The following PISD variants were observed in gnomAD, a reference collection of about 807,000 sequenced individuals.
PISD encodes phosphatidylserine decarboxylase proenzyme, mitochondrial.
A neutral mutation model predicts 43.5 loss-of-function variants in PISD; 31 were observed. The ratio of observed to expected loss-of-function variants is 0.71; its 90% confidence interval spans 0.54 to 0.96. The LOEUF (loss-of-function observed/expected upper bound fraction) is 0.96, where lower values mean the gene tolerates loss of function less well. Among genes scored for constraint, PISD ranks in the 40% least tolerant of loss-of-function variants. The probability of loss-of-function intolerance (pLI) is 0.00; values close to 1 mark genes in which losing one functional copy is unlikely to be tolerated. For missense variants in PISD, 523 were observed against 548.4 expected, an observed-to-expected ratio of 0.95 and a Z score of 0.46; for synonymous variants, 259 against 228.7, an observed-to-expected ratio of 1.13 and a Z score of -1.20.
chr22:31,646,272 C>T (rs889342917), intron 3 of PISD, among the ~76,000 whole-genome samples: 2 of 152,126 alleles, frequency 1.3e-5, no homozygotes, highest in African/African-American at 4.8e-5. Flanking sequence ...GTTCTGTGAC[C>T]ATTTTATTCA....
intron 2 of PISD, among the ~76,000 whole-genome samples, 173 bp downstream of exon 2, chr22:31,650,526 C>CA (rs200466585): frequency 0.13 from 13,373 of 106,976 alleles, 887 homozygotes; most frequent in East Asian, 0.39. Flanking sequence ...AAGACTGTCT[C>CA]AAAAAAAAAA....
At chr22:31,625,330 C>T (rs2072842217) in intron 3 of PISD, among the ~76,000 whole-genome samples, 1 of 152,236 alleles carries the variant, frequency 6.6e-6, no homozygotes, top group South Asian at 2.1e-4. Flanking sequence ...AATCACTGCT[C>T]CCCTCTGGCT....
At chr22:31,643,888 A>C (rs1216824915) in intron 3 of PISD, among the ~76,000 whole-genome samples, 5 of 152,150 alleles carry the variant, frequency 3.3e-5, no homozygotes, top group Non-Finnish European at 5.9e-5. Flanking sequence ...CTCTACTAAA[A>C]ATACAAAAAA....
chr22:31,620,937 T>C, intron 6 of PISD, 59 bp downstream of exon 6: 1 of 1,542,430 alleles, frequency 6.5e-7, no homozygotes, highest in South Asian at 1.2e-5. Flanking sequence ...ACCAAGAAGC[T>C]GAGAGCCTCT....
intron 1 of PISD, among the ~76,000 whole-genome samples, chr22:31,661,027 G>A (rs930358655): frequency 1.3e-5 from 2 of 152,144 alleles, no homozygotes; most frequent in African/African-American, 4.8e-5. Context: ...GAGCCACCGC[G>A]CCCAGCCTGT....
At chr22:31,642,139 C>A (rs2073750869) in intron 3 of PISD, among the ~76,000 whole-genome samples, 1 of 151,226 alleles carries the variant, frequency 6.6e-6, no homozygotes, top group Non-Finnish European at 1.5e-5. Flanking sequence ...CCAGAGACTT[C>A]AGGACCTGGG....
intron 3 of PISD, among the ~76,000 whole-genome samples, chr22:31,624,294 A>G (rs1015400559): frequency 2.6e-5 from 4 of 152,176 alleles, no homozygotes; most frequent in African/African-American, 7.2e-5. Flanking sequence ...CCCAGGGGCC[A>G]GCTCTGCCAC....
At chr22:31,620,523 G>A in intron 7 of PISD, 30 bp downstream of exon 7, 2 of 1,611,668 alleles carry the variant, frequency 1.2e-6, no homozygotes, top group East Asian at 2.2e-5. Flanking sequence ...TCTGGCCCTT[G>A]GGCTTTGGCA....
intron 3 of PISD, among the ~76,000 whole-genome samples, chr22:31,624,866 G>A (rs537079804): frequency 4.6e-5 from 7 of 152,136 alleles, no homozygotes; most frequent in East Asian, 3.9e-4. Context: ...CACCAGAGCC[G>A]CAGAGGCTGG....
At chr22:31,643,214 T>C (rs951293561) in intron 3 of PISD, among the ~76,000 whole-genome samples, 7 of 152,270 alleles carry the variant, frequency 4.6e-5, no homozygotes, top group African/African-American at 1.7e-4. Flanking sequence ...GGAATCATCA[T>C]GTCCCCTGTT....
At chr22:31,661,136 A>C (rs1487135301) in intron 1 of PISD, among the ~76,000 whole-genome samples, 1 of 152,226 alleles carries the variant, frequency 6.6e-6, no homozygotes, top group Non-Finnish European at 1.5e-5. Context: ...AGTTACCACC[A>C]CAATGCAGAG....
intron 3 of PISD, among the ~76,000 whole-genome samples, chr22:31,634,509 C>G (rs1009645337): frequency 6.6e-6 from 1 of 152,248 alleles, no homozygotes; most frequent in Non-Finnish European, 1.5e-5. Context: ...CCTGCCCAGG[C>G]ACTCAGGAAG....
intron 3 of PISD, among the ~76,000 whole-genome samples, chr22:31,645,353 C>G (rs917723865): frequency 7.9e-5 from 12 of 151,440 alleles, no homozygotes; most frequent in Admixed American, 2.6e-4. Flanking sequence ...TGCAGTGAGC[C>G]GTGATCATGC....
At chr22:31,636,281 C>T (rs1420987407) in intron 3 of PISD, among the ~76,000 whole-genome samples, 2 of 152,144 alleles carry the variant, frequency 1.3e-5, no homozygotes, top group Non-Finnish European at 2.9e-5. Context: ...CTGTACTATA[C>T]ATTTTTTTTT....
At chr22:31,661,979 T>C (rs1399963428) in intron 1 of PISD, among the ~76,000 whole-genome samples, 165 bp downstream of exon 1, 2 of 152,122 alleles carry the variant, frequency 1.3e-5, no homozygotes, top group African/African-American at 4.8e-5. Context: ...CGGACCGCCC[T>C]ACGCAGGAGC....
At chr22:31,637,198 TATATATATAG>T (rs2073526457) in intron 3 of PISD, among the ~76,000 whole-genome samples, 5 of 88,564 alleles carry the variant, frequency 5.6e-5, no homozygotes, top group African/African-American at 1.9e-4. Context: ...TATATATATA[TATATATATAG>T]AAAAATTAGC....
At chr22:31,620,778 A>C in intron 6 of PISD, 65 bp from the exon 7 acceptor site, 2 of 1,586,654 alleles carry the variant, frequency 1.3e-6, no homozygotes, top group Non-Finnish European at 1.7e-6. Flanking sequence ...CATGGCAGCC[A>C]AGACCCAAAG....
chr22:31,648,972 C>T (rs528408000), intron 2 of PISD, among the ~76,000 whole-genome samples: 3 of 152,302 alleles, frequency 2.0e-5, no homozygotes, highest in South Asian at 4.1e-4. Context: ...GCTCTTTGAT[C>T]TTGCTTTTAT....
rs758310178 is a variant in PISD at position 31,619,757 on chromosome 22, C to T, written c.1085G>A (p.Gly362Asp). The T allele has an allele frequency of 1.2e-6, 2 of 1,614,098 alleles. No homozygotes were observed. Among genetic ancestry groups the T allele is most frequent in the South Asian group, 2.2e-5 (2 of 91,092 alleles). Residue 362 changes from glycine (G) to aspartate (D), a missense_variant, in exon 8 of 8, where the codon GGC becomes GAC. Transcript: ENST00000439502. Reference protein sequence around the residue: ...FSFVTHTNREGVPMRKGEHLG... With the variant: ...FSFVTHTNREDVPMRKGEHLG... ...GTGCTCGCCCTTACGCATGGGGACG[C>T]CCTCTCTATTGGTGTGCGTCACGAA...
Sources: gnomAD v4.1 joint callset for allele counts (sites outside exome capture counted in the v4.1 genomes callset) on GRCh38, gnomAD v4.1.1 for gene constraint, MANE v1.5 for transcripts, NCBI Gene and HGNC (gene_info 2026-07-23, HGNC 2026-07-21) for gene names.